NCAM2: variants seen among roughly 807,000 people sequenced by gnomAD.
NCAM2 encodes the protein neural cell adhesion molecule 2.
In NCAM2, 30 loss-of-function variants were observed where a neutral mutation model predicts 98.1. The observed-to-expected ratio is 0.31, with a 90% CI of 0.23 to 0.41. NCAM2 has a LOEUF of 0.41. Among genes scored for constraint, NCAM2 ranks in the 10% least tolerant of loss-of-function variants. NCAM2 has a pLI of 1.00. For missense variants in NCAM2, 867 were observed against 1,005.8 expected (o/e 0.86, Z 1.87); for synonymous variants, 368 against 342.4 (o/e 1.07, Z -0.83).
At chr21:21,529,138 T>TC (rs1237459303) in intron 16 of NCAM2, among the ~76,000 whole-genome samples, 1 of 151,978 alleles carries the variant, frequency 6.6e-6, no homozygotes. Context: ...TTTTCATTCA[T>TC]CCCCCCTTAT....
At chr21:21,415,330 CTTTTTTTTTTTTT>C (rs34997215) in intron 10 of NCAM2, among the ~76,000 whole-genome samples, 2 of 70,804 alleles carry the variant, frequency 2.8e-5, no homozygotes, top group African/African-American at 6.0e-5. Context: ...TTAGCTTGAT[CTTTTTTTTTTTTT>C]TTTTTTTTTT....
rs1480102958 is a variant in NCAM2, at chr21:21,229,998, T to G, written c.56-50580T>G. Among the ~76,000 whole-genome samples the G allele has an allele frequency of 1.1e-4, 17 of 151,318 alleles. No homozygotes were observed. The Admixed American group carries it at 1.1e-3, about 10-fold the overall frequency. On this transcript the variant is annotated intron_variant, in intron 1 of 17. Transcript: ENST00000400546. ...AACTGTTCTAACAGATTTATATTTA[T>G]TTGAGAGAAACACACAAGTAAGAGG...
chr21:21,168,686 A>T (rs979740465), intron 1 of NCAM2, among the ~76,000 whole-genome samples: 2 of 131,358 alleles, frequency 1.5e-5, no homozygotes, highest in Admixed American at 7.6e-5. Context: ...ACTAAAACAC[A>T]TTACTATATT....
chr21:21,072,437 T>A (rs184289949), intron 1 of NCAM2, among the ~76,000 whole-genome samples: 69 of 152,214 alleles, frequency 4.5e-4, no homozygotes, highest in African/African-American at 1.5e-3. Flanking sequence ...ATAGAAAACT[T>A]ACAAAATTTC....
At chr21:21,028,799 C>T (rs1466676192) in intron 1 of NCAM2, among the ~76,000 whole-genome samples, 1 of 152,108 alleles carries the variant, frequency 6.6e-6, no homozygotes, top group Non-Finnish European at 1.5e-5. Flanking sequence ...ATCAAAGACA[C>T]CTGGTCGTAT....
At chr21:21,047,147 A>C (rs2146281333) in intron 1 of NCAM2, among the ~76,000 whole-genome samples, 1 of 152,266 alleles carries the variant, frequency 6.6e-6, no homozygotes, top group African/African-American at 2.4e-5. Flanking sequence ...GTTTGCTTTA[A>C]ATGATAAAGA....
chr21:21,537,303 TC>T (rs1229842242), intron 17 of NCAM2, among the ~76,000 whole-genome samples: 2 of 152,080 alleles, frequency 1.3e-5, no homozygotes. Flanking sequence ...CGCCTCAGCA[TC>T]CCAAAGTGCT....
At chr21:21,509,803 A>C (rs2146357468) in intron 16 of NCAM2, among the ~76,000 whole-genome samples, 1 of 152,310 alleles carries the variant, frequency 6.6e-6, no homozygotes, top group African/African-American at 2.4e-5. Flanking sequence ...GAATATGATC[A>C]ATGCAAAAAA....
At chr21:21,231,551 C>A (rs893014646) in intron 1 of NCAM2, among the ~76,000 whole-genome samples, 3 of 151,214 alleles carry the variant, frequency 2.0e-5, no homozygotes, top group African/African-American at 7.3e-5. Context: ...AACTATGTTT[C>A]AAGGACAGTT....
chr21:21,077,429 T>G (rs1340811616), intron 1 of NCAM2, among the ~76,000 whole-genome samples: 1 of 152,172 alleles, frequency 6.6e-6, no homozygotes, highest in Non-Finnish European at 1.5e-5. Flanking sequence ...TACTGGTCAT[T>G]GTACAGAAAT....
At chr21:21,518,364 T>C (rs1482158190) in intron 16 of NCAM2, among the ~76,000 whole-genome samples, 3 of 152,118 alleles carry the variant, frequency 2.0e-5, no homozygotes, top group Admixed American at 2.0e-4. Context: ...GGACATGGAA[T>C]AAACTAAAGA....
intron 1 of NCAM2, among the ~76,000 whole-genome samples, chr21:21,147,554 C>T (rs1423538659): frequency 6.6e-6 from 1 of 150,886 alleles, no homozygotes; most frequent in African/African-American, 2.4e-5. Flanking sequence ...ACATACATGC[C>T]GTGGTATACT....
chr21:21,123,688 A>G (rs1569047156), intron 1 of NCAM2, among the ~76,000 whole-genome samples: 1 of 152,130 alleles, frequency 6.6e-6, no homozygotes, highest in South Asian at 2.1e-4. Flanking sequence ...TTGATGAGCT[A>G]GTAAATTAGA....
At chr21:21,279,862 C>T (rs1016766696) in intron 1 of NCAM2, among the ~76,000 whole-genome samples, 3 of 152,204 alleles carry the variant, frequency 2.0e-5, no homozygotes, top group East Asian at 1.9e-4. Context: ...GAAGGTGAGA[C>T]GGAGTTTGGA....
At chr21:21,526,472 TAAA>T (rs1569139262) in intron 16 of NCAM2, among the ~76,000 whole-genome samples, 1 of 151,880 alleles carries the variant, frequency 6.6e-6, no homozygotes, top group Non-Finnish European at 1.5e-5. Context: ...TGATAGAAAA[TAAA>T]AGAAGAATGA....
At chr21:21,411,050 G>A (rs1209798294) in intron 10 of NCAM2, among the ~76,000 whole-genome samples, 10 of 30,202 alleles carry the variant, frequency 3.3e-4, no homozygotes, top group African/African-American at 1.1e-3. Flanking sequence ...ATATATATGT[G>A]TGTGTATATA....
Position 21,323,529 on chromosome 21 carries a change from A to T in NCAM2, c.620-854A>T, listed in dbSNP as rs576733682. Among the ~76,000 whole-genome samples, 43 of 152,270 alleles carry T rather than the reference A, an allele frequency of 2.8e-4. No homozygotes were observed. In the South Asian group the frequency reaches 4.1e-3, roughly 15 times the overall value. On this transcript the variant is annotated intron_variant, in intron 5 of 17. Coordinates refer to ENST00000400546, the MANE Select transcript of NCAM2 (RefSeq NM_004540.5). ...TACTTAATTTTAGGAATATTACTTTATGATATTCAGCTTAAAATTATAAAA... is the reference window on the plus strand; with the variant it reads ...TACTTAATTTTAGGAATATTACTTTTTGATATTCAGCTTAAAATTATAAAA...
intron 1 of NCAM2, among the ~76,000 whole-genome samples, chr21:21,098,791 A>G (rs986960869): frequency 6.6e-6 from 1 of 151,900 alleles, no homozygotes; most frequent in Non-Finnish European, 1.5e-5. Context: ...GCATTTTTTA[A>G]GTACATATCC....
At chr21:21,462,813 T>A (rs1272012437) in intron 12 of NCAM2, among the ~76,000 whole-genome samples, 1 of 152,002 alleles carries the variant, frequency 6.6e-6, no homozygotes, top group East Asian at 1.9e-4. Context: ...TAAAGAAAAA[T>A]TCATGATTGT....
Sources: allele counts gnomAD v4.1 joint callset (sites outside exome capture counted in the v4.1 genomes callset), GRCh38; gene constraint gnomAD v4.1.1; transcripts MANE v1.5; gene names NCBI Gene and HGNC (gene_info 2026-07-23, HGNC 2026-07-21).